Variants in ANKIB1 observed in about 807,000 individuals in gnomAD.
ANKIB1 encodes the protein ankyrin repeat and IBR domain containing 1.
In ANKIB1, 43 loss-of-function variants were observed where a neutral mutation model predicts 122.1. That is an observed-to-expected ratio of 0.35 (90% CI 0.28 to 0.45). The LOEUF (loss-of-function observed/expected upper bound fraction) is 0.45. Among genes scored for constraint, ANKIB1 ranks in the 20% least tolerant of loss-of-function variants. The pLI, the probability that ANKIB1 is intolerant of heterozygous loss-of-function variation, is 1.00. For synonymous variants in ANKIB1, 390 were observed against 442.0 expected (o/e 0.88, Z 1.48); for missense variants, 992 against 1,329.5 (o/e 0.75, Z 3.95).
At chr7:92,382,923 C>A (rs1316853596) in intron 11 of ANKIB1, among the ~76,000 whole-genome samples, 2 of 151,868 alleles carry the variant, frequency 1.3e-5, no homozygotes, top group Non-Finnish European at 2.9e-5. Context: ...GACATAAAAA[C>A]CCCTTTAAAA....
rs369342674 is a variant in ANKIB1, at chr7:92,349,155, G to A, written c.1086-1795G>A. Among the ~76,000 whole-genome samples, 4 of 152,320 alleles carry A rather than the reference G, an allele frequency of 2.6e-5. 1 individual carries two copies. On this transcript the variant is annotated intron_variant, in intron 7 of 19. Transcript: ENST00000265742. ...GCCATTAGAAAGTAAAAGAGAGAAAGGATAGGTTATTGGATAGTGCAAGTC... is the reference window on the plus strand; with the variant it reads ...GCCATTAGAAAGTAAAAGAGAGAAAAGATAGGTTATTGGATAGTGCAAGTC...
At chr7:92,309,581 T>A (rs1262272825) in intron 3 of ANKIB1, among the ~76,000 whole-genome samples, 1 of 152,118 alleles carries the variant, frequency 6.6e-6, no homozygotes, top group East Asian at 1.9e-4. Flanking sequence ...ATTTCTCAAA[T>A]GGACTGGAGT....
intron 5 of ANKIB1, among the ~76,000 whole-genome samples, chr7:92,338,972 T>TATATA (rs1562786409): frequency 8.4e-5 from 7 of 83,106 alleles, no homozygotes; most frequent in African/African-American, 3.2e-4. Context: ...ATATATATAT[T>TATATA]TATATGAATC....
At chr7:92,289,267 G>C (rs1215189888) in intron 1 of ANKIB1, among the ~76,000 whole-genome samples, 1 of 152,162 alleles carries the variant, frequency 6.6e-6, no homozygotes, top group Non-Finnish European at 1.5e-5. Context: ...AGCTAAGAAA[G>C]ATCAAGCTTA....
At chr7:92,297,187 T>G (rs1802372729) in intron 2 of ANKIB1, among the ~76,000 whole-genome samples, 1 of 152,216 alleles carries the variant, frequency 6.6e-6, no homozygotes. Context: ...TGAAGCACAG[T>G]AAGGTCTCAC....
At chr7:92,283,872 G>A (rs1332696020) in intron 1 of ANKIB1, among the ~76,000 whole-genome samples, 1 of 152,172 alleles carries the variant, frequency 6.6e-6, no homozygotes, top group African/African-American at 2.4e-5. Flanking sequence ...CCTGGCTCAA[G>A]TCATCCTCCT....
At chr7:92,261,787 T>C (rs1333106429) in intron 1 of ANKIB1, among the ~76,000 whole-genome samples, 1 of 152,248 alleles carries the variant, frequency 6.6e-6, no homozygotes, top group Non-Finnish European at 1.5e-5. Context: ...TTGAATTTTA[T>C]GTGCTTGCTA....
chr7:92,336,247 C>T (rs750692541), intron 5 of ANKIB1, among the ~76,000 whole-genome samples: 1 of 151,924 alleles, frequency 6.6e-6, no homozygotes, highest in African/African-American at 2.4e-5. Flanking sequence ...TTTTTTATCT[C>T]CTCTAAACTG....
At chr7:92,295,306 A>G (rs545405033) in intron 2 of ANKIB1, 140 bp downstream of exon 2, 6 of 509,592 alleles carry the variant, frequency 1.2e-5, no homozygotes, top group African/African-American at 3.9e-5. Flanking sequence ...TGTACATGTA[A>G]TATGGTTTTA....
chr7:92,391,714 G>A (rs2115710980), intron 16 of ANKIB1, among the ~76,000 whole-genome samples: 1 of 152,166 alleles, frequency 6.6e-6, no homozygotes, highest in East Asian at 1.9e-4. Flanking sequence ...TTGCCAGCTT[G>A]TTATGGTCAT....
Position 92,307,514 on chromosome 7 carries a change from A to G in ANKIB1, c.344A>G (p.Asp115Gly). The change falls in exon 3 of 20, where the codon GAT becomes GGT. Residue 115 changes from aspartate (D) to glycine (G), a missense_variant. Coordinates refer to ENST00000265742, the MANE Select transcript of ANKIB1 (RefSeq NM_019004.2). Reference protein sequence around the residue: ...RPTEDDFRRADCLQMILKWKG... With the variant: ...RPTEDDFRRAGCLQMILKWKG... Reference sequence around the variant, plus strand: ...ACAGAAGATGATTTCAGAAGAGCAGATTGTCTGCAGATGATCTTAAAATGG... The same window carrying G: ...ACAGAAGATGATTTCAGAAGAGCAGGTTGTCTGCAGATGATCTTAAAATGG... 1 of 1,613,914 alleles carries G rather than the reference A, an allele frequency of 6.2e-7. No homozygotes were observed. Among genetic ancestry groups the G allele is most frequent in the Non-Finnish European group, 8.5e-7 (1 of 1,179,894 alleles).
Position 92,258,952 on chromosome 7 carries a change from T to C in ANKIB1, c.-91+12433T>C, listed in dbSNP as rs543681083. ...TTGTTTTTTGGAGTTTTTTTTGTTT[T>C]GTTTTGTTTTGTTTTTTTTGAGACA... On this transcript the variant is annotated intron_variant, in intron 1 of 19. Coordinates refer to ENST00000265742, the MANE Select transcript of ANKIB1 (RefSeq NM_019004.2). Among the ~76,000 whole-genome samples the C allele has an allele frequency of 3.2e-4, 47 of 147,650 alleles. No individual in the cohort carries two copies. In the South Asian group the frequency reaches 9.6e-3, roughly 30 times the overall value.
intron 11 of ANKIB1, among the ~76,000 whole-genome samples, chr7:92,374,183 A>T (rs979344015): frequency 2.0e-5 from 3 of 152,228 alleles, no homozygotes; most frequent in Admixed American, 2.0e-4. Flanking sequence ...AAGGGAGTAA[A>T]ATAGAGATTA....
intron 5 of ANKIB1, among the ~76,000 whole-genome samples, chr7:92,334,152 A>T (rs1351342386): frequency 6.6e-6 from 1 of 152,156 alleles, no homozygotes; most frequent in Non-Finnish European, 1.5e-5. Context: ...ATAAATTTTT[A>T]AGAGGTAATA....
At chr7:92,396,936 G>A (rs910683599) in intron 18 of ANKIB1, among the ~76,000 whole-genome samples, 1 of 152,084 alleles carries the variant, frequency 6.6e-6, no homozygotes, top group Non-Finnish European at 1.5e-5. Flanking sequence ...AAAAGAGAGA[G>A]AATTTCTGGC....
At chr7:92,348,530 C>T (rs1030508407) in intron 7 of ANKIB1, among the ~76,000 whole-genome samples, 3 of 152,030 alleles carry the variant, frequency 2.0e-5, no homozygotes, top group Non-Finnish European at 4.4e-5. Flanking sequence ...GGATTACAGA[C>T]ACCCGGCACC....
intron 2 of ANKIB1, among the ~76,000 whole-genome samples, chr7:92,298,365 T>G (rs1389598835): frequency 6.6e-6 from 1 of 151,936 alleles, no homozygotes; most frequent in Non-Finnish European, 1.5e-5. Flanking sequence ...TAAAACTTAT[T>G]TATAATACCA....
At chr7:92,287,708 C>G (rs1169450303) in intron 1 of ANKIB1, among the ~76,000 whole-genome samples, 2 of 150,706 alleles carry the variant, frequency 1.3e-5, no homozygotes, top group Non-Finnish European at 3.0e-5. Flanking sequence ...TGCAGTAAGG[C>G]AAGAAAAATA....
chr7:92,380,487 C>G (rs568735642), intron 11 of ANKIB1, among the ~76,000 whole-genome samples: 86 of 152,264 alleles, frequency 5.6e-4, no homozygotes, highest in African/African-American at 2.0e-3. Context: ...CATTAGGGGC[C>G]GACTGACACC....
Sources: allele counts gnomAD v4.1 joint callset (sites outside exome capture counted in the v4.1 genomes callset), GRCh38; gene constraint gnomAD v4.1.1; transcripts MANE v1.5; gene names NCBI Gene and HGNC (gene_info 2026-07-23, HGNC 2026-07-21).